The following MBNL2 variants were observed in gnomAD, a reference collection of about 807,000 sequenced individuals.
MBNL2 encodes muscleblind like splicing regulator 2, also known as muscleblind-like protein 2.
In MBNL2, 17 loss-of-function variants were observed where a neutral mutation model predicts 41.9. That is an observed-to-expected ratio of 0.41 (90% CI 0.28 to 0.61). The LOEUF is 0.61. Among genes scored for constraint, MBNL2 ranks in the 20% least tolerant of loss-of-function variants. The probability of loss-of-function intolerance (pLI) is 0.35; values close to 1 mark genes in which losing one functional copy is unlikely to be tolerated. For missense variants in MBNL2, 336 were observed against 505.6 expected, an observed-to-expected ratio of 0.66 and a Z score of 3.22; for synonymous variants, 195 against 182.9, an observed-to-expected ratio of 1.07 and a Z score of -0.53.
At chr13:97,212,053 A>C in the MBNL2 span, among the ~76,000 whole-genome samples, 1 of 152,106 alleles carries the variant, frequency 6.6e-6, no homozygotes, top group Non-Finnish European at 1.5e-5. Context: ...GAGAGTGAGG[A>C]AAGTCCTGGA....
At chr13:97,146,157 ATT>A in the MBNL2 span, among the ~76,000 whole-genome samples, 14,797 of 140,772 alleles carry the variant, frequency 0.11, 1,398 homozygotes, top group African/African-American at 0.26. Flanking sequence ...CAACCGGCTA[ATT>A]TTTTTTTTTT....
At chr13:97,188,854 C>T in the MBNL2 span, among the ~76,000 whole-genome samples, 3 of 152,148 alleles carry the variant, frequency 2.0e-5, no homozygotes, top group African/African-American at 7.2e-5. Flanking sequence ...CTCATTCCTT[C>T]CTTTATTTTC....
chr13:97,213,323 C>A, the MBNL2 span, among the ~76,000 whole-genome samples: 1 of 151,968 alleles, frequency 6.6e-6, no homozygotes, highest in Admixed American at 6.6e-5. Flanking sequence ...GAAAAAAAAA[C>A]CATTTTACCT....
At chr13:97,144,950 T>C in the MBNL2 span, among the ~76,000 whole-genome samples, 3 of 152,216 alleles carry the variant, frequency 2.0e-5, no homozygotes, top group African/African-American at 7.2e-5. Flanking sequence ...TTCAAATATT[T>C]GAACCCTCTA....
At chr13:97,235,596 C>T (rs1011095296) in intron 1 of MBNL2, among the ~76,000 whole-genome samples, 2 of 152,192 alleles carry the variant, frequency 1.3e-5, no homozygotes, top group African/African-American at 4.8e-5. Flanking sequence ...ATGTTCTGAT[C>T]TCTTCCTTCC....
chr13:97,309,480 A>G (rs556226956), intron 2 of MBNL2, among the ~76,000 whole-genome samples: 1 of 152,296 alleles, frequency 6.6e-6, no homozygotes, highest in African/African-American at 2.4e-5. Flanking sequence ...GTGTGAAGAG[A>G]CAGGAAGAAG....
chr13:97,359,739 A>C (rs9584561), intron 7 of MBNL2, among the ~76,000 whole-genome samples: 3,689 of 152,188 alleles, frequency 0.024, 163 homozygotes, highest in African/African-American at 0.084. Context: ...GTCCTAGCGC[A>C]CCAATACAGT....
At chr13:97,387,061 C>T (rs2065975106) in intron 8 of MBNL2, among the ~76,000 whole-genome samples, 2 of 151,128 alleles carry the variant, frequency 1.3e-5, no homozygotes, top group African/African-American at 4.9e-5. Flanking sequence ...GAAAATAATG[C>T]TTGCAGTTCA....
At chr13:97,212,290 A>G in the MBNL2 span, among the ~76,000 whole-genome samples, 2 of 152,028 alleles carry the variant, frequency 1.3e-5, no homozygotes, top group Non-Finnish European at 2.9e-5. Context: ...ATTTCTATTC[A>G]TTTGACAGTG....
At position 97,346,382 on chromosome 13, in the gene MBNL2, GGATA is replaced by G. The variant is rs956043188; in HGVS notation, c.541-418_541-415del. 6.6e-5 allele frequency among the ~76,000 whole-genome samples: 10 copies of G among 151,854 alleles called. No individual in the cohort carries two copies. Among genetic ancestry groups the G allele is most frequent in the African/African-American group, 2.2e-4 (9 of 41,226 alleles). On this transcript the variant is annotated intron_variant, in intron 4 of 8. Transcript: ENST00000679496. This position sits in a 1 kb window ranked among gnomAD's most constrained non-coding sequence, Gnocchi z 4.2. ...TGAATGAACAGGTGGATAGATGATT[GGATA>G]GATTGATTGATGGTAGATGATAGAT...
intron 2 of MBNL2, among the ~76,000 whole-genome samples, chr13:97,316,345 C>T (rs1313568541): frequency 6.6e-6 from 1 of 152,234 alleles, no homozygotes; most frequent in African/African-American, 2.4e-5. Context: ...GATGCCACCT[C>T]TGGCCCCTTC....
At chr13:97,383,129 G>A (rs9300407) in intron 8 of MBNL2, among the ~76,000 whole-genome samples, 49,719 of 152,058 alleles carry the variant, frequency 0.33, 8,349 homozygotes, top group Middle Eastern at 0.47. Context: ...TGGGTTGTTA[G>A]ATGGTCTGAG....
At chr13:97,295,684 C>T (rs2056907003) in intron 2 of MBNL2, among the ~76,000 whole-genome samples, 1 of 152,096 alleles carries the variant, frequency 6.6e-6, no homozygotes, top group Non-Finnish European at 1.5e-5. Context: ...TTGATCCATG[C>T]AGGAGATGAC....
chr13:97,354,998 A>G (rs887675553), intron 5 of MBNL2, among the ~76,000 whole-genome samples: 3 of 152,240 alleles, frequency 2.0e-5, no homozygotes, highest in Non-Finnish European at 4.4e-5. Context: ...ACAAAACAAA[A>G]GAAAACCCTG....
At chr13:97,324,513 T>C (rs2059759550) in intron 2 of MBNL2, among the ~76,000 whole-genome samples, 1 of 152,210 alleles carries the variant, frequency 6.6e-6, no homozygotes. Context: ...TCAAAAAATC[T>C]AGACTCTATG....
intron 7 of MBNL2, among the ~76,000 whole-genome samples, chr13:97,363,436 G>A (rs1446855557): frequency 1.3e-5 from 2 of 149,136 alleles, no homozygotes; most frequent in Admixed American, 6.6e-5. Flanking sequence ...GTGTGTGTGT[G>A]TGTGTGTGTG....
chr13:97,148,198 T>G, the MBNL2 span, among the ~76,000 whole-genome samples: 1 of 152,116 alleles, frequency 6.6e-6, no homozygotes, highest in Non-Finnish European at 1.5e-5. Flanking sequence ...GAAGGAAATT[T>G]CAAAAAATAG....
chr13:97,216,226 A>C, the MBNL2 span, among the ~76,000 whole-genome samples: 1 of 152,208 alleles, frequency 6.6e-6, no homozygotes, highest in African/African-American at 2.4e-5. Context: ...GTTAAAAAAA[A>C]TACTAATCTC....
intron 2 of MBNL2, among the ~76,000 whole-genome samples, chr13:97,279,937 A>G (rs536931535): frequency 6.6e-6 from 1 of 152,280 alleles, no homozygotes; most frequent in African/African-American, 2.4e-5. Context: ...ACCTCGTTGC[A>G]TTTTATGTAA....
Sources: gnomAD v4.1 joint callset for allele counts (sites outside exome capture counted in the v4.1 genomes callset) on GRCh38, gnomAD v4.1.1 for gene constraint, Gnocchi (gnomAD v3.1) non-coding constraint, MANE v1.5 for transcripts, NCBI Gene and HGNC (gene_info 2026-07-23, HGNC 2026-07-21) for gene names.